Variants in EP400 observed in about 807,000 individuals in gnomAD.
EP400 encodes the protein E1A binding protein p400, also known as E1A-binding protein p400.
A neutral mutation model predicts 354.1 loss-of-function variants in EP400; 105 were observed. The ratio of observed to expected loss-of-function variants is 0.30; its 90% CI spans 0.25 to 0.35. The LOEUF (loss-of-function observed/expected upper bound fraction) is 0.35. Ranked by LOEUF, EP400 falls within the 10% of genes least tolerant of loss-of-function variation. The probability of loss-of-function intolerance (pLI) is 1.00; values close to 1 mark genes in which losing one functional copy is unlikely to be tolerated. For synonymous variants in EP400, 1,646 were observed against 1,716.9 expected, an observed-to-expected ratio of 0.96 and a Z score of 1.02; for missense variants, 3,280 against 4,121.0, an observed-to-expected ratio of 0.80 and a Z score of 5.59.
intron 2 of EP400, among the ~76,000 whole-genome samples, chr12:131,976,393 T>C (rs1485707318): frequency 6.6e-6 from 1 of 152,232 alleles, no homozygotes; most frequent in African/African-American, 2.4e-5. Context: ...ATTTATTTTC[T>C]TTAACACTTA....
chr12:132,006,175 T>G lies in EP400; in HGVS notation c.2999T>G (p.Phe1000Cys). The part of the protein sequence containing the change: ...RKDLVLIDSL[F>C]IMDQFKAAER... ...GACTTGGTTCTCATCGACTCGCTTT[T>G]CATCATGGATCAGTTCAAAGCTGCC... Residue 1000 changes from phenylalanine to cysteine, a missense_variant, in exon 14 of 53, where the codon TTC becomes TGC. Physicochemically the swap from Phe to Cys is radical, Grantham distance 205 (BLOSUM62 -2). Around this residue, in one of 20 missense-constraint regions of EP400, gnomAD observed 800 missense variants for 840.0 expected, o/e 0.95. Transcript: ENST00000389561. 6.2e-7 allele frequency: 1 copy of G among 1,614,244 alleles called. No individual in the cohort carries two copies. The highest frequency in any genetic ancestry group is 8.5e-7 in the Non-Finnish European group (1 of 1,180,048).
chr12:131,955,429 C>T (rs765404806), intron 1 of EP400, among the ~76,000 whole-genome samples: 1 of 151,512 alleles, frequency 6.6e-6, no homozygotes, highest in African/African-American at 2.4e-5. Flanking sequence ...ATTACAGGTG[C>T]GCACCACCAT....
chr12:132,010,071 C>G (rs911662834), intron 15 of EP400, among the ~76,000 whole-genome samples: 4 of 149,728 alleles, frequency 2.7e-5, no homozygotes, highest in African/African-American at 9.8e-5. Flanking sequence ...TGTTTACCTA[C>G]TCTGAGGTTG....
intron 2 of EP400, 139 bp downstream of exon 2, chr12:131,962,093 A>C (rs540590813): frequency 2.9e-5 from 35 of 1,201,614 alleles, no homozygotes; most frequent in Non-Finnish European, 4.0e-5. Context: ...GATTTGACCC[A>C]TAAGTAAAAG....
In EP400 at chr12:132,027,305, G is replaced by A; in HGVS notation, c.5015-132G>A. 2 of 848,930 alleles carry A rather than the reference G, an allele frequency of 2.4e-6. No homozygotes were observed. The highest frequency in any genetic ancestry group is 3.9e-6 in the Non-Finnish European group (2 of 514,670). The allele number at this position is 848,930 out of a possible 1,614,324, so 52.6% of individuals were successfully genotyped here. Reference sequence around the variant, plus strand: ...GTGCTGGTGGAGGATGAGGACTTGGGGACATGCCGTTGCAGAATGACTTTC... The same window carrying A: ...GTGCTGGTGGAGGATGAGGACTTGGAGACATGCCGTTGCAGAATGACTTTC... On this transcript the variant is annotated intron_variant, in intron 25 of 52. Coordinates refer to ENST00000389561, the MANE Select transcript of EP400 (RefSeq NM_015409.5). This position sits in a 1 kb window ranked among gnomAD's most constrained non-coding sequence, Gnocchi z 4.9.
At position 131,987,817 on chromosome 12, in the gene EP400, T is replaced by G; in HGVS notation, c.2336T>G (p.Leu779Arg). 2 of 1,613,630 alleles carry G rather than the reference T, an allele frequency of 1.2e-6. No homozygotes were observed. The change falls in exon 7 of 53, where the codon CTG (leucine) becomes CGG (arginine). Residue 779 changes from leucine to arginine, a missense_variant. By Grantham distance (102) the Leu-to-Arg change is moderately radical (BLOSUM62 -2). Around this residue, in one of 20 missense-constraint regions of EP400, gnomAD observed 800 missense variants for 840.0 expected, o/e 0.95. Coordinates refer to ENST00000389561, the MANE Select transcript of EP400 (RefSeq NM_015409.5). ...APRPKSHWDY[L>R]LEEMQWMATD... ...CGCCCCAAGTCCCACTGGGACTATC[T>G]GCTGGAGGAGATGCAGTGGATGGCC... is the stretch of plus-strand genomic sequence containing the variant.
At chr12:132,008,889 G>A (rs1156465056) in intron 15 of EP400, among the ~76,000 whole-genome samples, 1 of 148,992 alleles carries the variant, frequency 6.7e-6, no homozygotes, top group East Asian at 2.0e-4. Context: ...CAAAGTGCTG[G>A]GATTACAGGC....
At chr12:132,059,860 C>CAA (rs1203429291) in intron 45 of EP400, among the ~76,000 whole-genome samples, 13 of 139,818 alleles carry the variant, frequency 9.3e-5, no homozygotes, top group Non-Finnish European at 1.6e-4. Context: ...ACAGAAAATA[C>CAA]AAAAAAAAAA....
rs1032439227 is a variant in EP400 at position 132,075,741 on chromosome 12, A to G, written c.9022-775A>G. On this transcript the variant is annotated intron_variant, in intron 51 of 52. Coordinates refer to ENST00000389561, the MANE Select transcript of EP400 (RefSeq NM_015409.5). This position sits in a 1 kb window ranked among gnomAD's most constrained non-coding sequence, Gnocchi z 4.5. Reference sequence around the variant, plus strand: ...ATATTTCGCAGAATAATCTTGGGAAATATTATTTTCATCCGTTTTCTGTAA... The same window carrying G: ...ATATTTCGCAGAATAATCTTGGGAAGTATTATTTTCATCCGTTTTCTGTAA... 5 of 152,280 alleles carry G rather than the reference A, an allele frequency of 3.3e-5. No individual in the cohort carries two copies. The highest frequency in any genetic ancestry group is 1.2e-4 in the African/African-American group (5 of 41,440). 9.4% of individuals were successfully genotyped at this position (152,280 alleles called of 1,614,324 possible).
chr12:132,043,762 T>G, intron 34 of EP400, 34 bp downstream of exon 34: 1 of 1,558,470 alleles, frequency 6.4e-7, no homozygotes, highest in Non-Finnish European at 8.7e-7. Flanking sequence ...GTGAAAAAAA[T>G]TTGCAATATT....
chr12:132,037,877 G>A, intron 31 of EP400, 76 bp from the exon 32 acceptor site: 1 of 1,612,024 alleles, frequency 6.2e-7, no homozygotes, highest in Non-Finnish European at 8.5e-7. Flanking sequence ...CACTAGCAAG[G>A]GGCTTAGGTC....
At position 132,052,447 on chromosome 12, in the gene EP400, A is replaced by G. The variant is rs1344350989; in HGVS notation, c.7395-699A>G. 2.6e-5 allele frequency among the ~76,000 whole-genome samples: 4 copies of G among 152,256 alleles called. No homozygotes were observed. Among genetic ancestry groups the G allele is most frequent in the Non-Finnish European group, 5.9e-5 (4 of 68,054 alleles). Reference sequence around the variant, plus strand: ...CTTGGTGCTCCCTGAGTGTGCTGGCAGCCGCGCCCCAGCCCTTCACTTAAC... The same window carrying G: ...CTTGGTGCTCCCTGAGTGTGCTGGCGGCCGCGCCCCAGCCCTTCACTTAAC... On this transcript the variant is annotated intron_variant, in intron 41 of 52. Transcript: ENST00000389561. The surrounding 1 kb of genome is among the most constrained non-coding windows in gnomAD (Gnocchi z 4.4).
intron 48 of EP400, chr12:132,065,250 ATGGGCAGG>A: frequency 3.4e-6 from 1 of 289,970 alleles, no homozygotes; most frequent in South Asian, 6.4e-5. Flanking sequence ...AGCCGTAGGC[ATGGGCAGG>A]TGGCGGTCTC....
At chr12:131,984,471 G>A (rs745640108) in intron 5 of EP400, among the ~76,000 whole-genome samples, 1 of 152,146 alleles carries the variant, frequency 6.6e-6, no homozygotes, top group Non-Finnish European at 1.5e-5. Flanking sequence ...CAAGTCTGCA[G>A]GGAAGCCTTG....
chr12:132,063,563 A>G (rs767947642), intron 47 of EP400, among the ~76,000 whole-genome samples: 17 of 152,238 alleles, frequency 1.1e-4, no homozygotes, highest in Non-Finnish European at 1.9e-4. Flanking sequence ...TACTTGTCAT[A>G]GAAAGTAACC....
intron 51 of EP400, among the ~76,000 whole-genome samples, chr12:132,074,011 G>GTC (rs1240021437): frequency 2.4e-5 from 3 of 123,966 alleles, no homozygotes; most frequent in African/African-American, 9.6e-5. Context: ...TGCAACTTCT[G>GTC]TCTCCCACAT....
chr12:131,951,289 C>G (rs1891481466), intron 1 of EP400, among the ~76,000 whole-genome samples: 1 of 151,432 alleles, frequency 6.6e-6, no homozygotes, highest in African/African-American at 2.4e-5. Context: ...TGAGCTCAGG[C>G]AGTCCGCCCA....
chr12:132,027,480 A>G lies in EP400; in HGVS notation c.5058A>G (p.Gly1686=). 6.2e-7 allele frequency: 1 copy of G among 1,613,986 alleles called. No individual in the cohort carries two copies. The highest frequency in any genetic ancestry group is 8.5e-7 in the Non-Finnish European group (1 of 1,179,988). Residue 1686 remains glycine, a synonymous_variant, in exon 26 of 53, where the codon GGA becomes GGG. Coordinates refer to ENST00000389561, the MANE Select transcript of EP400 (RefSeq NM_015409.5). The surrounding 1 kb of genome is among the most constrained non-coding windows in gnomAD (Gnocchi z 4.9). ...GRVAVNALAV[G]EPGTASKPAS... ...TGGCGGTGAATGCCTTGGCTGTAGG[A>G]GAACCCGGAACGGCCTCCAAACCAG...
At chr12:132,014,723 C>G (rs1196991170) in intron 19 of EP400, among the ~76,000 whole-genome samples, 1 of 152,200 alleles carries the variant, frequency 6.6e-6, no homozygotes, top group Non-Finnish European at 1.5e-5. Flanking sequence ...GTCAGACACA[C>G]TGGATCAGGT....
Sources: gnomAD v4.1 joint callset for allele counts (sites outside exome capture counted in the v4.1 genomes callset) on GRCh38, gnomAD v4.1.1 for gene constraint, gnomAD v4.1.1 regional missense constraint, Gnocchi (gnomAD v3.1) non-coding constraint, MANE v1.5 for transcripts, NCBI Gene and HGNC (gene_info 2026-07-23, HGNC 2026-07-21) for gene names.